Variants in XIRP2 observed in about 807,000 individuals in gnomAD.
XIRP2 encodes xin actin binding repeat containing 2.
Under a neutral mutation model 277.0 loss-of-function variants are expected in XIRP2, and 236 were observed. The ratio of observed to expected loss-of-function variants is 0.85; its 90% CI spans 0.77 to 0.95. The LOEUF (loss-of-function observed/expected upper bound fraction) is 0.95. XIRP2 is among the 40% of genes least tolerant of loss of function. The pLI, the probability that XIRP2 is intolerant of heterozygous loss-of-function variation, is 0.00. For synonymous variants in XIRP2, 1,490 were observed against 1,416.5 expected (o/e 1.05, Z -1.17); for missense variants, 4,640 against 4,157.5 (o/e 1.12, Z -3.19).
intron 2 of XIRP2, among the ~76,000 whole-genome samples, chr2:167,053,705 T>C (rs553669737): frequency 3.9e-5 from 6 of 152,346 alleles, no homozygotes; most frequent in African/African-American, 1.4e-4. Context: ...TGTCATGTTT[T>C]AGTCAAAGTA....
intron 2 of XIRP2, among the ~76,000 whole-genome samples, chr2:167,054,065 G>C (rs1441372162): frequency 6.6e-6 from 1 of 152,174 alleles, no homozygotes; most frequent in Non-Finnish European, 1.5e-5. Flanking sequence ...AGTTAAAGTT[G>C]AGAGAGTAAA....
At chr2:166,896,570 T>C (rs1025859653) in intron 1 of XIRP2, among the ~76,000 whole-genome samples, 2 of 151,942 alleles carry the variant, frequency 1.3e-5, no homozygotes, top group Non-Finnish European at 2.9e-5. Context: ...GTTTAGGATT[T>C]TAAGCTAAGT....
intron 2 of XIRP2, among the ~76,000 whole-genome samples, chr2:166,952,281 T>C (rs925086998): frequency 6.6e-6 from 1 of 152,016 alleles, no homozygotes; most frequent in Non-Finnish European, 1.5e-5. Context: ...AATCTTTTTA[T>C]ACTATTAAAT....
At chr2:167,041,814 G>C (rs1043351974) in intron 2 of XIRP2, among the ~76,000 whole-genome samples, 1 of 151,696 alleles carries the variant, frequency 6.6e-6, no homozygotes, top group Admixed American at 6.6e-5. Flanking sequence ...CATTAGAGAG[G>C]GTGACATGCA....
intron 2 of XIRP2, among the ~76,000 whole-genome samples, chr2:167,122,594 T>C (rs1434378162): frequency 6.6e-6 from 1 of 152,142 alleles, no homozygotes; most frequent in African/African-American, 2.4e-5. Context: ...CTAGATAGTA[T>C]CAGCACAGGA....
At chr2:167,190,752 G>A (rs376489119) in intron 3 of XIRP2, among the ~76,000 whole-genome samples, 11 of 152,230 alleles carry the variant, frequency 7.2e-5, no homozygotes, top group East Asian at 5.8e-4. Flanking sequence ...TCAATTACGT[G>A]TATGAGTTTT....
Position 167,248,722 on chromosome 2 carries a change from G to T in XIRP2, c.7330G>T (p.Val2444Phe), listed in dbSNP as rs753323453. 2 of 1,613,570 alleles carry T rather than the reference G, an allele frequency of 1.2e-6. No individual in the cohort carries two copies. Among genetic ancestry groups the T allele is most frequent in the African/African-American group, 2.7e-5 (2 of 74,818 alleles). Residue 2444 changes from valine to phenylalanine, a missense_variant, in exon 9 of 11, where the codon GTT (valine) becomes TTT (phenylalanine). Physicochemically the swap from Val to Phe is conservative, Grantham distance 50. Coordinates refer to ENST00000409195, the MANE Select transcript of XIRP2 (RefSeq NM_152381.6). ...TAATAAGAACGATTTTTCCCCCAAA[G>T]TTGAACTGGCAACCTCCCTGTCAGA... ...KDNKNDFSPK[V>F]ELATSLSDME...
rs569188869 is a variant in XIRP2, at chr2:167,112,327, A to G, written c.409-23582A>G. ...TAAACTTCCCTCTTAACACTTTCTT[A>G]GTTGTGTCCCAGAGAGTCTGGTATA... On this transcript the variant is annotated intron_variant, in intron 2 of 10. Coordinates refer to ENST00000409195, the MANE Select transcript of XIRP2 (RefSeq NM_152381.6). 4.0e-5 allele frequency among the ~76,000 whole-genome samples: 6 copies of G among 151,822 alleles called. No homozygotes were observed. In the South Asian group the frequency reaches 8.3e-4, roughly 21 times the overall value.
chr2:166,898,101 C>G (rs887021993), intron 1 of XIRP2, among the ~76,000 whole-genome samples: 4 of 152,086 alleles, frequency 2.6e-5, no homozygotes, highest in African/African-American at 7.2e-5. Flanking sequence ...TATAGTTGAA[C>G]AGGCTCCACA....
chr2:166,969,638 C>G (rs1021208392), intron 2 of XIRP2, among the ~76,000 whole-genome samples: 1 of 151,730 alleles, frequency 6.6e-6, no homozygotes. Flanking sequence ...TTTAAAGCAT[C>G]CCAACTGGGA....
chr2:167,025,671 T>C (rs1446901310), intron 2 of XIRP2, among the ~76,000 whole-genome samples: 3 of 152,108 alleles, frequency 2.0e-5, no homozygotes, highest in African/African-American at 4.8e-5. Flanking sequence ...TTCTCATTGG[T>C]TTCAAAGAAC....
chr2:167,059,101 C>CTTTTTTTTTTTT (rs572437575), intron 2 of XIRP2, among the ~76,000 whole-genome samples: 55 of 95,940 alleles, frequency 5.7e-4, no homozygotes, highest in African/African-American at 7.2e-4. Context: ...TTTTTTTTCT[C>CTTTTTTTTTTTT]TTTTTTTTTT....
intron 2 of XIRP2, among the ~76,000 whole-genome samples, chr2:166,996,277 A>C (rs1009182626): frequency 6.6e-6 from 1 of 152,220 alleles, no homozygotes; most frequent in Non-Finnish European, 1.5e-5. Flanking sequence ...CCCAGAGTAC[A>C]AACTTGCAAA....
intron 2 of XIRP2, among the ~76,000 whole-genome samples, chr2:166,963,632 G>C (rs903302181): frequency 1.3e-5 from 2 of 151,832 alleles, no homozygotes; most frequent in African/African-American, 2.4e-5. Flanking sequence ...ACAGGGATTA[G>C]AGGGATAAGT....
chr2:166,925,858 C>A (rs552556750), intron 2 of XIRP2, among the ~76,000 whole-genome samples: 2 of 151,576 alleles, frequency 1.3e-5, no homozygotes, highest in African/African-American at 4.8e-5. Flanking sequence ...TCACTTGAGG[C>A]CAGGAGTTCT....
intron 2 of XIRP2, among the ~76,000 whole-genome samples, chr2:166,980,502 C>T (rs143522404): frequency 0.034 from 5,120 of 152,116 alleles, 109 homozygotes; most frequent in East Asian, 0.078. Context: ...CTGCAACCTG[C>T]GCCTCCTGAG....
At chr2:167,176,776 C>T (rs2105353615) in intron 3 of XIRP2, among the ~76,000 whole-genome samples, 1 of 152,264 alleles carries the variant, frequency 6.6e-6, no homozygotes, top group Non-Finnish European at 1.5e-5. Flanking sequence ...AGAGGATTTA[C>T]ATTAGTGAGT....
At chr2:166,924,548 T>C (rs971521315) in intron 2 of XIRP2, among the ~76,000 whole-genome samples, 2 of 152,032 alleles carry the variant, frequency 1.3e-5, no homozygotes, top group Non-Finnish European at 2.9e-5. Flanking sequence ...TTTTTTGAAC[T>C]GATAATTATG....
At chr2:167,144,811 T>C (rs1691819986) in intron 3 of XIRP2, among the ~76,000 whole-genome samples, 1 of 152,292 alleles carries the variant, frequency 6.6e-6, no homozygotes, top group Non-Finnish European at 1.5e-5. Context: ...TTCATAGTTA[T>C]ATTGTACGTG....
Sources: allele counts gnomAD v4.1 joint callset (sites outside exome capture counted in the v4.1 genomes callset), GRCh38; gene constraint gnomAD v4.1.1; transcripts MANE v1.5; gene names NCBI Gene and HGNC (gene_info 2026-07-23, HGNC 2026-07-21).